The following OR1J2 variants were observed in gnomAD, a reference collection of about 807,000 sequenced individuals.
The protein encoded by OR1J2 is olfactory receptor 1J2.
For synonymous variants in OR1J2, 142 were observed against 99.7 expected, an observed-to-expected ratio of 1.42 and a Z score of -2.52; for missense variants, 304 against 246.1, an observed-to-expected ratio of 1.24 and a Z score of -1.57.
At chr9:122,518,825 T>C in the OR1J2 span, among the ~76,000 whole-genome samples, 1 of 152,174 alleles carries the variant, frequency 6.6e-6, no homozygotes, top group Admixed American at 6.5e-5. Flanking sequence ...TAAAAGTACA[T>C]AAACAATGGA....
chr9:122,519,224 C>A, the OR1J2 span: 1 of 1,612,788 alleles, frequency 6.2e-7, no homozygotes, highest in Admixed American at 1.7e-5. Context: ...CTGTGTTCTT[C>A]ACCCTGTTCT....
the OR1J2 span, among the ~76,000 whole-genome samples, chr9:122,579,681 G>T: frequency 6.6e-6 from 1 of 152,020 alleles, no homozygotes; most frequent in Admixed American, 6.5e-5. Flanking sequence ...AAGCATAAGG[G>T]GTATGGTGTC....
chr9:122,553,289 G>A, the OR1J2 span: 2 of 1,614,022 alleles, frequency 1.2e-6, no homozygotes, highest in Non-Finnish European at 1.7e-6. Flanking sequence ...GGCCAGAGGA[G>A]CAGCCTCTTC....
At chr9:122,553,505 T>C in the OR1J2 span, 5 of 1,614,046 alleles carry the variant, frequency 3.1e-6, no homozygotes, top group African/African-American at 6.7e-5. Flanking sequence ...TCTCGTATTC[T>C]GGGTGTCTTG....
chr9:122,488,167 C>T, the OR1J2 span, among the ~76,000 whole-genome samples: 660 of 152,194 alleles, frequency 4.3e-3, 5 homozygotes, highest in African/African-American at 0.015. Context: ...TGTTTTGAGA[C>T]AGTTCTGTTG....
chr9:122,477,103 G>A, the OR1J2 span: 1 of 1,613,552 alleles, frequency 6.2e-7, no homozygotes, highest in Non-Finnish European at 8.5e-7. Context: ...GTATATCACT[G>A]AAGCAATTAT....
At chr9:122,517,765 C>A in the OR1J2 span, among the ~76,000 whole-genome samples, 1 of 151,172 alleles carries the variant, frequency 6.6e-6, no homozygotes, top group Admixed American at 6.6e-5. Flanking sequence ...TGTGCAGGTT[C>A]GTTACACAGG....
At chr9:122,526,410 A>T in the OR1J2 span, 1 of 1,513,756 alleles carries the variant, frequency 6.6e-7, no homozygotes, top group Non-Finnish European at 8.8e-7. Flanking sequence ...GGCCCCCTTC[A>T]TGTCCTTGTT....
the OR1J2 span, among the ~76,000 whole-genome samples, chr9:122,500,783 G>A: frequency 9.5e-4 from 145 of 152,224 alleles, 1 homozygote; most frequent in African/African-American, 3.3e-3. Flanking sequence ...AAGTTTGATC[G>A]TTGATGGTAT....
At chr9:122,462,470 A>G in the OR1J2 span, among the ~76,000 whole-genome samples, 2 of 152,166 alleles carry the variant, frequency 1.3e-5, no homozygotes, top group East Asian at 3.8e-4. Flanking sequence ...TATTTGTTGC[A>G]TGAAATCCTT....
the OR1J2 span, among the ~76,000 whole-genome samples, chr9:122,524,566 C>A: frequency 6.6e-6 from 1 of 152,136 alleles, no homozygotes; most frequent in Admixed American, 6.6e-5. Context: ...CTGAAGTGGA[C>A]ACCCAGTCAC....
chr9:122,477,832 A>C, the OR1J2 span: 1 of 1,614,062 alleles, frequency 6.2e-7, no homozygotes, highest in Non-Finnish European at 8.5e-7. Flanking sequence ...GTACATGCCC[A>C]GGAACAGGGC....
At chr9:122,474,099 A>G in the OR1J2 span, among the ~76,000 whole-genome samples, 1,926 of 152,292 alleles carry the variant, frequency 0.013, 13 homozygotes, top group Middle Eastern at 0.054. Flanking sequence ...TTATCTATTT[A>G]GTTGGTTGCC....
the OR1J2 span, chr9:122,519,981 A>T: frequency 2.0e-5 from 32 of 1,614,054 alleles, no homozygotes; most frequent in Non-Finnish European, 2.5e-5. Context: ...GTACACGGTG[A>T]TCACCCCATT....
chr9:122,572,853 A>G, the OR1J2 span: 1 of 152,038 alleles, frequency 6.6e-6, no homozygotes, highest in African/African-American at 2.4e-5. Flanking sequence ...GTGATTTCCA[A>G]CTCTGCTTCT....
the OR1J2 span, among the ~76,000 whole-genome samples, chr9:122,448,641 T>C: frequency 2.6e-5 from 4 of 152,124 alleles, no homozygotes; most frequent in Non-Finnish European, 5.9e-5. Flanking sequence ...CTGCAGTGCA[T>C]TGTGCTCCTG....
chr9:122,494,041 G>A, the OR1J2 span, among the ~76,000 whole-genome samples: 3 of 152,274 alleles, frequency 2.0e-5, no homozygotes, highest in South Asian at 6.2e-4. Context: ...TGTGGTCTGA[G>A]AGAGTACTTG....
At chr9:122,520,371 G>C in the OR1J2 span, among the ~76,000 whole-genome samples, 2 of 152,150 alleles carry the variant, frequency 1.3e-5, no homozygotes. Flanking sequence ...GTTTAAATAT[G>C]TTGACTAACA....
the OR1J2 span, chr9:122,519,857 C>T: frequency 6.2e-7 from 1 of 1,614,138 alleles, no homozygotes. Flanking sequence ...AAGCTTTGTC[C>T]ACCTGTGGCT....
Sources: allele counts gnomAD v4.1 joint callset (sites outside exome capture counted in the v4.1 genomes callset), GRCh38; gene constraint gnomAD v4.1.1; transcripts MANE v1.5; gene names NCBI Gene and HGNC (gene_info 2026-07-23, HGNC 2026-07-21).